Variants in DIP2B observed in about 807,000 individuals in gnomAD.
DIP2B encodes DIP2 acetate--CoA ligase B (putative).
A neutral mutation model predicts 198.0 loss-of-function variants in DIP2B; 76 were observed. The observed-to-expected ratio is 0.38, with a 90% CI of 0.32 to 0.46. The LOEUF (loss-of-function observed/expected upper bound fraction) is 0.46. Among genes scored for constraint, DIP2B ranks in the 20% least tolerant of loss-of-function variants. The pLI, the probability that DIP2B is intolerant of heterozygous loss-of-function variation, is 0.99. For missense variants in DIP2B, 1,559 were observed against 1,978.4 expected, an observed-to-expected ratio of 0.79 and a Z score of 4.02; for synonymous variants, 701 against 739.1, an observed-to-expected ratio of 0.95 and a Z score of 0.84.
chr12:50,600,063 T>C (rs1958921887), intron 1 of DIP2B, among the ~76,000 whole-genome samples: 1 of 152,226 alleles, frequency 6.6e-6, no homozygotes, highest in Admixed American at 6.5e-5. Context: ...ATGTCAGAGA[T>C]GGTGCAACTT....
chr12:50,607,044 C>T (rs1331720772), intron 1 of DIP2B, among the ~76,000 whole-genome samples: 1 of 151,812 alleles, frequency 6.6e-6, no homozygotes, highest in Non-Finnish European at 1.5e-5. Context: ...TGGACTCAAG[C>T]AATCTGCCTG....
Position 50,621,770 on chromosome 12 carries a change from G to T in DIP2B, c.101-4206G>T, listed in dbSNP as rs143582836. Among the ~76,000 whole-genome samples, 577 of 152,284 alleles carry T rather than the reference G, an allele frequency of 3.8e-3. 4 individuals carry two copies. Among genetic ancestry groups the T allele is most frequent in the African/African-American group, 0.013 (558 of 41,554 alleles). Reference sequence around the variant, plus strand: ...GGGTCTTGTAGTCAGAAAACGGGGAGGGGGAGCATTTTAAAGATACTGTAG... The same window carrying T: ...GGGTCTTGTAGTCAGAAAACGGGGATGGGGAGCATTTTAAAGATACTGTAG... On this transcript the variant is annotated intron_variant, in intron 1 of 37. Transcript: ENST00000301180.
intron 1 of DIP2B, among the ~76,000 whole-genome samples, chr12:50,566,613 G>A (rs1469874545): frequency 6.6e-6 from 1 of 151,980 alleles, no homozygotes; most frequent in African/African-American, 2.4e-5. Context: ...TAGGTCTTTT[G>A]ATAGTGTCTC....
chr12:50,694,822 A>G (rs1939282100), intron 14 of DIP2B, among the ~76,000 whole-genome samples: 1 of 152,136 alleles, frequency 6.6e-6, no homozygotes, highest in Non-Finnish European at 1.5e-5. Flanking sequence ...AATAATTGTG[A>G]TATAGCCAAA....
intron 32 of DIP2B, among the ~76,000 whole-genome samples, 174 bp from the exon 33 acceptor site, chr12:50,733,961 A>G (rs1940093376): frequency 1.3e-5 from 2 of 152,240 alleles, no homozygotes; most frequent in African/African-American, 4.8e-5. Flanking sequence ...GAAATGTTTC[A>G]GTGCTGCCAC....
intron 4 of DIP2B, among the ~76,000 whole-genome samples, chr12:50,666,723 C>T (rs1056026265): frequency 1.7e-4 from 26 of 152,036 alleles, no homozygotes; most frequent in African/African-American, 6.3e-4. Context: ...AGGAACCTGT[C>T]AAAAAAGCTT....
intron 2 of DIP2B, among the ~76,000 whole-genome samples, chr12:50,640,148 A>C (rs571118129): frequency 6.6e-6 from 1 of 152,198 alleles, no homozygotes; most frequent in Non-Finnish European, 1.5e-5. Flanking sequence ...TGAGATAAAA[A>C]GGCAGGAAAA....
At position 50,680,663 on chromosome 12, in the gene DIP2B, T is replaced by G; in HGVS notation, c.1115-9T>G. ...ATATGACTGTTGTTTTTTTTTCCTTTTTTTCCAGGAAAGTTGTGGAGCAGA... is the reference window on the plus strand; with the variant it reads ...ATATGACTGTTGTTTTTTTTTCCTTGTTTTCCAGGAAAGTTGTGGAGCAGA... On this transcript the variant is annotated splice_polypyrimidine_tract_variant and intron_variant, in intron 8 of 37. Transcript: ENST00000301180. The G allele has an allele frequency of 2.5e-6, 4 of 1,607,992 alleles. No individual in the cohort carries two copies. The highest frequency in any genetic ancestry group is 3.4e-6 in the Non-Finnish European group (4 of 1,178,504).
chr12:50,590,229 G>A (rs1374833477), intron 1 of DIP2B, among the ~76,000 whole-genome samples: 2 of 151,818 alleles, frequency 1.3e-5, no homozygotes, highest in Non-Finnish European at 2.9e-5. Flanking sequence ...GAACTCCTGG[G>A]CTCAGGCGAG....
chr12:50,682,112 G>C (rs998792317), intron 9 of DIP2B, among the ~76,000 whole-genome samples: 2 of 152,204 alleles, frequency 1.3e-5, no homozygotes, highest in African/African-American at 4.8e-5. Context: ...TGCATTCCTT[G>C]AGTGAATTAG....
At chr12:50,701,032 C>T (rs563393932) in intron 19 of DIP2B, among the ~76,000 whole-genome samples, 15 of 152,228 alleles carry the variant, frequency 9.9e-5, no homozygotes, top group African/African-American at 3.6e-4. Context: ...TTGACTTTTC[C>T]TTACTAAAAA....
At position 50,746,781 on chromosome 12, in the gene DIP2B, A is replaced by G. The variant is rs1940346651; in HGVS notation, c.*1942A>G. 6.6e-6 allele frequency: 1 copy of G among 152,342 alleles called. No homozygotes were observed. Among genetic ancestry groups the G allele is most frequent in the Admixed American group, 6.5e-5 (1 of 15,292 alleles). The allele number at this position is 152,342 out of a possible 1,614,324, so 9.4% of individuals were successfully genotyped here. A position where few individuals can be genotyped will look rare whatever the true frequency, so the allele number is the denominator to read the frequency against. Reference sequence around the variant, plus strand: ...AATTTTCTTAAAACTATTTTTAATGATCCACTAAACAAAGCAGGGGATCCT... The same window carrying G: ...AATTTTCTTAAAACTATTTTTAATGGTCCACTAAACAAAGCAGGGGATCCT... On this transcript the variant is annotated 3_prime_UTR_variant, in exon 38 of 38. Transcript: ENST00000301180.
chr12:50,540,909 C>T (rs887903215), intron 1 of DIP2B, among the ~76,000 whole-genome samples: 18 of 152,006 alleles, frequency 1.2e-4, no homozygotes, highest in South Asian at 2.1e-4. Flanking sequence ...TTTTAAGATG[C>T]CTATATAGCA....
At chr12:50,563,508 T>TTA (rs1958537740) in intron 1 of DIP2B, among the ~76,000 whole-genome samples, 1 of 148,310 alleles carries the variant, frequency 6.7e-6, no homozygotes, top group African/African-American at 2.5e-5. Context: ...TTTTTTTTTT[T>TTA]AAAGGCAGTA....
intron 4 of DIP2B, among the ~76,000 whole-genome samples, chr12:50,670,938 T>G (rs1458812885): frequency 6.6e-6 from 1 of 152,182 alleles, no homozygotes; most frequent in Non-Finnish European, 1.5e-5. Context: ...GGAATAAAGT[T>G]TAAATGTTTT....
At chr12:50,585,856 A>T (rs1958765606) in intron 1 of DIP2B, among the ~76,000 whole-genome samples, 1 of 152,234 alleles carries the variant, frequency 6.6e-6, no homozygotes, top group African/African-American at 2.4e-5. Flanking sequence ...CACTTTTGTC[A>T]TTATCCTGGG....
chr12:50,516,241 C>CTCTCTCTCTATCTCTA (rs1555180929), intron 1 of DIP2B, among the ~76,000 whole-genome samples: 12 of 140,996 alleles, frequency 8.5e-5, no homozygotes, highest in African/African-American at 3.3e-4. Context: ...CTCTCTCTCT[C>CTCTCTCTCTATCTCTA]TCTCTATCTC....
chr12:50,698,568 C>T, intron 18 of DIP2B, 101 bp downstream of exon 18: 1 of 1,382,062 alleles, frequency 7.2e-7, no homozygotes, highest in Non-Finnish European at 9.7e-7. Context: ...ACCCTTAATT[C>T]AGTACTTAAC....
At chr12:50,546,943 A>G (rs998309689) in intron 1 of DIP2B, among the ~76,000 whole-genome samples, 1 of 152,222 alleles carries the variant, frequency 6.6e-6, no homozygotes. Flanking sequence ...CAATTAAAAA[A>G]TATACCACTC....
Sources: allele counts gnomAD v4.1 joint callset (sites outside exome capture counted in the v4.1 genomes callset), GRCh38; gene constraint gnomAD v4.1.1; transcripts MANE v1.5; gene names NCBI Gene and HGNC (gene_info 2026-07-23, HGNC 2026-07-21).